SUSD1: variants seen among roughly 807,000 people sequenced by gnomAD.
The protein encoded by SUSD1 is sushi domain-containing protein 1.
A neutral mutation model predicts 86.9 loss-of-function variants in SUSD1; 65 were observed. The observed-to-expected ratio is 0.75, with a 90% CI of 0.61 to 0.92. The LOEUF is 0.92. Ranked by LOEUF, SUSD1 falls within the 40% of genes least tolerant of loss-of-function variation. The pLI, the probability that SUSD1 is intolerant of heterozygous loss-of-function variation, is 0.00. For missense variants in SUSD1, 850 were observed against 929.7 expected, an observed-to-expected ratio of 0.91 and a Z score of 1.11; for synonymous variants, 346 against 350.0, an observed-to-expected ratio of 0.99 and a Z score of 0.13.
At chr9:112,125,992 C>A (rs973401999) in intron 5 of SUSD1, among the ~76,000 whole-genome samples, 1 of 152,174 alleles carries the variant, frequency 6.6e-6, no homozygotes, top group Non-Finnish European at 1.5e-5. Flanking sequence ...CCTTTTCATG[C>A]ATATTCACCA....
Position 112,175,017 on chromosome 9 carries a change from G to A in SUSD1, c.103+116C>T. 2.5e-6 allele frequency: 2 copies of A among 805,792 alleles called. No individual in the cohort carries two copies. The highest frequency in any genetic ancestry group is 3.0e-6 in the Non-Finnish European group (2 of 665,036). The allele number at this position is 805,792 out of a possible 1,614,324, so 49.9% of individuals were successfully genotyped here. A position where few individuals can be genotyped will look rare whatever the true frequency, so the allele number is the denominator to read the frequency against. On this transcript the variant is annotated intron_variant, in intron 1 of 16. Coordinates refer to ENST00000374270, the MANE Select transcript of SUSD1 (RefSeq NM_022486.5). This position sits in a 1 kb window ranked among gnomAD's most constrained non-coding sequence, Gnocchi z 4.7. The stretch of plus-strand genomic sequence containing the variant: ...GGCGCGGGCCCCACCTGCGCCCCAC[G>A]CCTCGGCACCGCGCCGGCCCGGCCC...
chr9:112,095,163 C>T (rs563905002), intron 10 of SUSD1, among the ~76,000 whole-genome samples: 1 of 152,244 alleles, frequency 6.6e-6, no homozygotes, highest in African/African-American at 2.4e-5. Context: ...TCTTTCTCTA[C>T]AGAGACCTCG....
At chr9:112,152,450 G>A (rs1833095562) in intron 2 of SUSD1, among the ~76,000 whole-genome samples, 1 of 151,020 alleles carries the variant, frequency 6.6e-6, no homozygotes, top group Non-Finnish European at 1.5e-5. Flanking sequence ...CACCCTGACT[G>A]GAGTGCAGTG....
At chr9:112,146,506 G>A (rs551029894) in intron 3 of SUSD1, among the ~76,000 whole-genome samples, 1 of 152,054 alleles carries the variant, frequency 6.6e-6, no homozygotes, top group Non-Finnish European at 1.5e-5. Context: ...GGCAGATTAG[G>A]TCTAGTTCGG....
intron 1 of SUSD1, among the ~76,000 whole-genome samples, chr9:112,163,587 T>C (rs1266819894): frequency 6.6e-6 from 1 of 151,934 alleles, no homozygotes; most frequent in Non-Finnish European, 1.5e-5. Flanking sequence ...GCAGTGTGCT[T>C]TGATTGAGCC....
At chr9:112,131,952 G>C (rs750567047) in intron 5 of SUSD1, among the ~76,000 whole-genome samples, 4 of 152,308 alleles carry the variant, frequency 2.6e-5, no homozygotes, top group East Asian at 3.9e-4. Context: ...AGAATGTGTT[G>C]TGCTGGTTTC....
chr9:112,149,113 A>G, intron 3 of SUSD1, 131 bp downstream of exon 3: 1 of 1,269,274 alleles, frequency 7.9e-7, no homozygotes, highest in Non-Finnish European at 1.1e-6. Flanking sequence ...TAAGAATATT[A>G]TCCTATATAC....
chr9:112,149,416 AAGGC>A lies in SUSD1; in HGVS notation c.218-21_218-18del. On this transcript the variant is annotated intron_variant, in intron 2 of 16. Transcript: ENST00000374270. ...CATTTTTATCTGTTGACACACAGAC[AAGGC>A]ACCGGAAGAGCTATCAATCCACACC... The A allele has an allele frequency of 6.2e-7, 1 of 1,611,900 alleles. No homozygotes were observed. The highest frequency in any genetic ancestry group is 8.5e-7 in the Non-Finnish European group (1 of 1,178,866).
chr9:112,149,137 T>C (rs1784759573), intron 3 of SUSD1, 107 bp downstream of exon 3: 5 of 1,438,398 alleles, frequency 3.5e-6, no homozygotes, highest in African/African-American at 1.4e-5. Flanking sequence ...AATACCATTA[T>C]GCCATCTAAC....
chr9:112,091,303 CT>C (rs1830195147), intron 10 of SUSD1, among the ~76,000 whole-genome samples: 1 of 152,144 alleles, frequency 6.6e-6, no homozygotes, highest in Non-Finnish European at 1.5e-5. Context: ...TCTTAATTAT[CT>C]TTTGTTTGGA....
intron 3 of SUSD1, among the ~76,000 whole-genome samples, chr9:112,145,579 T>A (rs899043563): frequency 1.3e-5 from 2 of 152,194 alleles, no homozygotes; most frequent in African/African-American, 4.8e-5. Flanking sequence ...TGCACCTGGC[T>A]ATAATTTCTT....
chr9:112,099,051 C>G lies in SUSD1; in HGVS notation c.1282-389G>C, dbSNP rs983246259. ...TCTCTCTCTCTCTCTCTCTCTCTCT[C>G]TCTCTGTCTCTTTTCTGAGACAGGG... On this transcript the variant is annotated intron_variant, in intron 9 of 16. Coordinates refer to ENST00000374270, the MANE Select transcript of SUSD1 (RefSeq NM_022486.5). 3.8e-5 allele frequency among the ~76,000 whole-genome samples: 5 copies of G among 130,664 alleles called. No individual in the cohort carries two copies. The South Asian group carries it at 9.5e-4, about 25-fold the overall frequency. 85.7% of individuals were successfully genotyped at this position (130,664 alleles called of 152,430 possible).
chr9:112,136,635 G>T (rs1256079090), intron 5 of SUSD1, among the ~76,000 whole-genome samples: 1 of 152,152 alleles, frequency 6.6e-6, no homozygotes, highest in Non-Finnish European at 1.5e-5. Context: ...ACCCATGGTG[G>T]CATCATTAGT....
chr9:112,091,743 T>C (rs138906259), intron 10 of SUSD1, among the ~76,000 whole-genome samples: 11 of 152,340 alleles, frequency 7.2e-5, no homozygotes, highest in Non-Finnish European at 1.2e-4. Flanking sequence ...TAGTTATCCT[T>C]GATTTACATT....
In SUSD1 at chr9:112,041,969, C is replaced by A; in HGVS notation, c.2150-9G>T. 6.2e-7 allele frequency: 1 copy of A among 1,613,414 alleles called. No homozygotes were observed. The highest frequency in any genetic ancestry group is 1.1e-5 in the South Asian group (1 of 90,994). On this transcript the variant is annotated splice_polypyrimidine_tract_variant and intron_variant, in intron 15 of 16. Transcript: ENST00000374270. ...CAGCATGAGTGACGAATCTGTGGGA[C>A]AAAACCACAGGCTTAGCCCAGAGTG...
In SUSD1 at chr9:112,062,773, A is replaced by T. The variant is rs1313387244; in HGVS notation, c.1850+164T>A. Among the ~76,000 whole-genome samples, 6 of 152,222 alleles carry T rather than the reference A, an allele frequency of 3.9e-5. No individual in the cohort carries two copies. The South Asian group carries it at 8.3e-4, about 21-fold the overall frequency. On this transcript the variant is annotated intron_variant, in intron 13 of 16. Transcript: ENST00000374270. ...ATTAGAAAGGATGCTGGTTGGGATT[A>T]AAGGCCAGTCTGTACCCAAGGAAAC...
At chr9:112,100,463 G>T (rs1589655367) in intron 9 of SUSD1, among the ~76,000 whole-genome samples, 1 of 152,210 alleles carries the variant, frequency 6.6e-6, no homozygotes, top group East Asian at 1.9e-4. Flanking sequence ...TGGGATTACA[G>T]GCGTGAGCCA....
chr9:112,099,045 C>A (rs867191815), intron 9 of SUSD1, among the ~76,000 whole-genome samples: 14 of 149,518 alleles, frequency 9.4e-5, no homozygotes, highest in African/African-American at 3.5e-4. Context: ...CTCTCTCTCT[C>A]TCTCTCTCTC....
chr9:112,132,231 T>A (rs148169461), intron 5 of SUSD1, among the ~76,000 whole-genome samples: 1 of 152,108 alleles, frequency 6.6e-6, no homozygotes, highest in African/African-American at 2.4e-5. Flanking sequence ...CTAAGACTGT[T>A]TAGAGATCAA....
Sources: allele counts gnomAD v4.1 joint callset (sites outside exome capture counted in the v4.1 genomes callset), GRCh38; gene constraint gnomAD v4.1.1; non-coding constraint Gnocchi (gnomAD v3.1); transcripts MANE v1.5; gene names NCBI Gene and HGNC (gene_info 2026-07-23, HGNC 2026-07-21).